Variants in TRIM22 observed in about 807,000 individuals in gnomAD.
The protein encoded by TRIM22 is tripartite motif containing 22.
TRIM22 carries 45 observed loss-of-function variants against 53.6 expected under a neutral mutation model. That is an observed-to-expected ratio of 0.84 (90% CI 0.66 to 1.08). The LOEUF is 1.08. Ranked by LOEUF, TRIM22 falls within the 50% of genes least tolerant of loss-of-function variation. The pLI is 0.00. For missense variants in TRIM22, 616 were observed against 590.9 expected (o/e 1.04, Z -0.44); for synonymous variants, 225 against 216.6 (o/e 1.04, Z -0.34).
intron 1 of TRIM22, among the ~76,000 whole-genome samples, chr11:5,691,584 T>C (rs926118887): frequency 1.3e-5 from 2 of 152,190 alleles, no homozygotes; most frequent in Admixed American, 6.5e-5. Context: ...TGAGAGGTGG[T>C]CTCCTCCCTC....
At chr11:5,696,883 G>A (rs868244011) in intron 2 of TRIM22, 10 of 545,414 alleles carry the variant, frequency 1.8e-5, no homozygotes, top group Admixed American at 1.1e-4. Context: ...TGAATGAATG[G>A]AGAATTGCTT....
chr11:5,698,294 C>T (rs1158351923), intron 3 of TRIM22, 21 bp from the exon 4 acceptor site: 2 of 1,608,238 alleles, frequency 1.2e-6, no homozygotes, highest in Non-Finnish European at 1.7e-6. Flanking sequence ...CTGACTGCCT[C>T]TTTCTCTTTT....
chr11:5,704,832 G>C (rs962630051), intron 4 of TRIM22, among the ~76,000 whole-genome samples: 16 of 152,056 alleles, frequency 1.1e-4, no homozygotes, highest in Admixed American at 2.0e-4. Flanking sequence ...TGTTATTGTA[G>C]CCATTGTATT....
chr11:5,697,218 C>G, intron 2 of TRIM22, 30 bp from the exon 3 acceptor site: 4 of 1,550,478 alleles, frequency 2.6e-6, no homozygotes, highest in Non-Finnish European at 3.5e-6. Context: ...AAGCTCATAA[C>G]TTTACTCTGG....
At chr11:5,693,537 A>G (rs12786295) in intron 1 of TRIM22, among the ~76,000 whole-genome samples, 62,992 of 151,258 alleles carry the variant, frequency 0.42, 13,411 homozygotes, top group Non-Finnish European at 0.46. Context: ...TGGCTAACAC[A>G]GTGAAACCCC....
In TRIM22 at chr11:5,709,893, C is replaced by T; in HGVS notation, c.*245C>T. On this transcript the variant is annotated 3_prime_UTR_variant, in exon 8 of 8. Coordinates refer to ENST00000379965, the MANE Select transcript of TRIM22 (RefSeq NM_006074.5). The stretch of plus-strand genomic sequence containing the variant: ...AATCTAGATTCCAGCAGAGTTGGTT[C>T]TTTCTGAGGTCTGCAAGGAAGGGCT... 2.1e-6 allele frequency: 1 copy of T among 487,520 alleles called. No individual in the cohort carries two copies. Among genetic ancestry groups the T allele is most frequent in the East Asian group, 3.3e-5 (1 of 30,478 alleles). 30.2% of individuals were successfully genotyped at this position (487,520 alleles called of 1,614,324 possible).
chr11:5,694,799 G>A (rs1348895515), intron 1 of TRIM22, among the ~76,000 whole-genome samples: 2 of 152,118 alleles, frequency 1.3e-5, no homozygotes, highest in African/African-American at 4.8e-5. Context: ...GGTGGTGGTG[G>A]TGTGTGGGTG....
In TRIM22 at chr11:5,689,911, A is replaced by T. The variant is rs1229244453; in HGVS notation, c.-67+12A>T. 1 of 152,264 alleles carries T rather than the reference A, an allele frequency of 6.6e-6. No homozygotes were observed. Among genetic ancestry groups the T allele is most frequent in the African/African-American group, 2.4e-5 (1 of 41,440 alleles). The allele number at this position is 152,264 out of a possible 1,614,324, so 9.4% of individuals were successfully genotyped here. A position where few individuals can be genotyped will look rare whatever the true frequency, so the allele number is the denominator to read the frequency against. On this transcript the variant is annotated intron_variant, in intron 1 of 7. Transcript: ENST00000379965. ...GCTTTGGACTGAAGGTGAGTGGAGC[A>T]ATCTGTGGGAGCATAGAATGGGAGG... is the stretch of plus-strand genomic sequence containing the variant.
rs372487646 is a variant in TRIM22 at position 5,696,262 on chromosome 11, G to C, written c.30G>C (p.Glu10Asp). Reference protein sequence around the residue: MDFSVKVDIEKEVTCPICLE... With the variant: MDFSVKVDIDKEVTCPICLE... Reference sequence around the variant, plus strand: ...ATTTCTCAGTAAAGGTAGACATAGAGAAGGAGGTGACCTGCCCCATCTGCC... The same window carrying C: ...ATTTCTCAGTAAAGGTAGACATAGACAAGGAGGTGACCTGCCCCATCTGCC... The change falls in exon 2 of 8, where the codon GAG becomes GAC. Residue 10 changes from glutamate to aspartate, a missense_variant. Physicochemically the swap from Glu to Asp is conservative, Grantham distance 45. Transcript: ENST00000379965. The C allele has an allele frequency of 1.8e-5, 29 of 1,613,128 alleles. No homozygotes were observed. In the African/African-American group the frequency reaches 3.6e-4, roughly 20 times the overall value.
In TRIM22 at chr11:5,709,038, TA is replaced by T. The variant is rs1466496635; in HGVS notation, c.902-13del. 2.9e-5 allele frequency: 46 copies of T among 1,600,520 alleles called. No homozygotes were observed. The highest frequency in any genetic ancestry group is 3.9e-5 in the Non-Finnish European group (46 of 1,169,154). ...ATCCCATATCCTTCACTTGACTTGG[TA>T]ATTTTTTCTACAGTGGACGTGATGC... On this transcript the variant is annotated splice_polypyrimidine_tract_variant and intron_variant, in intron 7 of 7. Coordinates refer to ENST00000379965, the MANE Select transcript of TRIM22 (RefSeq NM_006074.5).
chr11:5,701,926 T>C (rs897782796), intron 4 of TRIM22, among the ~76,000 whole-genome samples: 9 of 152,040 alleles, frequency 5.9e-5, no homozygotes, highest in African/African-American at 2.2e-4. Flanking sequence ...TGTTTTCTAT[T>C]GACCGTACTT....
At chr11:5,695,962 G>C (rs1853252835) in intron 1 of TRIM22, among the ~76,000 whole-genome samples, 1 of 152,160 alleles carries the variant, frequency 6.6e-6, no homozygotes. Context: ...TTGATGGGGT[G>C]AAATTTGTCC....
Position 5,709,618 on chromosome 11 carries a change from C to G in TRIM22, c.1467C>G (p.Val489=), listed in dbSNP as rs775527189. The G allele has an allele frequency of 1.9e-6, 3 of 1,607,950 alleles. No homozygotes were observed. The South Asian group carries it at 3.3e-5, about 18-fold the overall frequency. The change falls in exon 8 of 8, where the codon GTC becomes GTG. Residue 489 remains valine, a synonymous_variant. Coordinates refer to ENST00000379965, the MANE Select transcript of TRIM22 (RefSeq NM_006074.5). ...YPYFNPWNCL[V]PMTVCPPSS The stretch of plus-strand genomic sequence containing the variant: ...ATTTCAATCCTTGGAACTGCCTAGT[C>G]CCCATGACTGTGTGCCCACCGAGCT...
intron 4 of TRIM22, among the ~76,000 whole-genome samples, chr11:5,702,195 T>C (rs963513455): frequency 9.6e-5 from 14 of 145,190 alleles, no homozygotes; most frequent in African/African-American, 3.5e-4. Flanking sequence ...ATATATTAGT[T>C]ATATATTATA....
intron 3 of TRIM22, chr11:5,697,656 A>G (rs753345995): frequency 7.0e-6 from 2 of 287,284 alleles, no homozygotes; most frequent in Non-Finnish European, 6.5e-6. Flanking sequence ...CCCTGGAGAA[A>G]GACCCAGGAT....
chr11:5,703,675 G>A (rs562179928), intron 4 of TRIM22, among the ~76,000 whole-genome samples: 13 of 109,686 alleles, frequency 1.2e-4, no homozygotes, highest in East Asian at 2.4e-4. Flanking sequence ...ATGAGCCACC[G>A]CGCCCGGAAA....
chr11:5,690,676 AC>A (rs1853158749), intron 1 of TRIM22, among the ~76,000 whole-genome samples: 1 of 152,130 alleles, frequency 6.6e-6, no homozygotes, highest in South Asian at 2.1e-4. Flanking sequence ...ACCTTATCAT[AC>A]CCCACATTCC....
intron 4 of TRIM22, among the ~76,000 whole-genome samples, chr11:5,703,164 T>A (rs181216081): frequency 6.6e-6 from 1 of 152,340 alleles, no homozygotes; most frequent in Non-Finnish European, 1.5e-5. Context: ...ATGAGCATAT[T>A]ACCCAATCAG....
intron 4 of TRIM22, among the ~76,000 whole-genome samples, chr11:5,699,643 G>C (rs1398200254): frequency 2.1e-5 from 3 of 141,980 alleles, no homozygotes; most frequent in African/African-American, 7.7e-5. Context: ...CACTTTATAT[G>C]AGTAACAATA....
Sources: gnomAD v4.1 joint callset for allele counts (sites outside exome capture counted in the v4.1 genomes callset) on GRCh38, gnomAD v4.1.1 for gene constraint, MANE v1.5 for transcripts, NCBI Gene and HGNC (gene_info 2026-07-23, HGNC 2026-07-21) for gene names.